Variants in GLIS3 observed in about 807,000 individuals in gnomAD.
GLIS3 encodes the protein zinc finger protein GLIS3.
GLIS3 carries 53 observed loss-of-function variants against 78.6 expected under a neutral mutation model. The ratio of observed to expected loss-of-function variants is 0.67; its 90% confidence interval spans 0.54 to 0.85. The LOEUF (loss-of-function observed/expected upper bound fraction) is 0.85, where lower values mean the gene tolerates loss of function less well. Among genes scored for constraint, GLIS3 ranks in the 40% least tolerant of loss-of-function variants. The probability of loss-of-function intolerance (pLI) is 0.00; values close to 1 mark genes in which losing one functional copy is unlikely to be tolerated. For missense variants in GLIS3, 1,703 were observed against 1,231.1 expected, an observed-to-expected ratio of 1.38 and a Z score of -5.74; for synonymous variants, 684 against 509.9, an observed-to-expected ratio of 1.34 and a Z score of -4.60.
At chr9:4,372,173 A>G in the GLIS3 span, among the ~76,000 whole-genome samples, 5 of 152,206 alleles carry the variant, frequency 3.3e-5, no homozygotes, top group African/African-American at 1.2e-4. Context: ...ATTCCAGATG[A>G]AGAAAGAGAG....
intron 6 of GLIS3, among the ~76,000 whole-genome samples, chr9:3,924,271 A>G (rs912230760): frequency 1.3e-5 from 2 of 152,240 alleles, no homozygotes; most frequent in Non-Finnish European, 2.9e-5. Context: ...TGTCAGGCAC[A>G]GTAGACTGCT....
At chr9:3,991,678 G>T (rs1337111780) in intron 4 of GLIS3, among the ~76,000 whole-genome samples, 1 of 132,082 alleles carries the variant, frequency 7.6e-6, no homozygotes, top group Admixed American at 7.8e-5. Context: ...TCATTAAGTA[G>T]GCTGATTTTT....
At chr9:3,843,433 G>A (rs2130097505) in intron 9 of GLIS3, among the ~76,000 whole-genome samples, 1 of 152,098 alleles carries the variant, frequency 6.6e-6, no homozygotes, top group East Asian at 1.9e-4. Flanking sequence ...GTAAGAGTAT[G>A]GAAACCTATA....
chr9:4,192,457 A>T (rs994323690), intron 2 of GLIS3, among the ~76,000 whole-genome samples: 2 of 152,238 alleles, frequency 1.3e-5, no homozygotes, highest in African/African-American at 4.8e-5. Context: ...CCAAGTTCTG[A>T]ACAACCAATT....
chr9:4,352,923 G>T (rs144067574), upstream of GLIS3, among the ~76,000 whole-genome samples: 1 of 152,178 alleles, frequency 6.6e-6, no homozygotes, highest in African/African-American at 2.4e-5. Flanking sequence ...TATACATTTA[G>T]TAGGTGTAAG....
At chr9:4,336,626 C>T (rs1462524446) in intron 2 of GLIS3, among the ~76,000 whole-genome samples, 1 of 152,202 alleles carries the variant, frequency 6.6e-6, no homozygotes, top group Non-Finnish European at 1.5e-5. Context: ...GACTGCAAAA[C>T]CAGTAAGCGA....
At chr9:3,877,562 A>G (rs190394295) in intron 8 of GLIS3, among the ~76,000 whole-genome samples, 1 of 152,120 alleles carries the variant, frequency 6.6e-6, no homozygotes, top group Non-Finnish European at 1.5e-5. Context: ...TCCACTCAAC[A>G]TTGTTTTTTC....
chr9:4,474,677 T>C, the GLIS3 span, among the ~76,000 whole-genome samples: 1 of 151,142 alleles, frequency 6.6e-6, no homozygotes, highest in Non-Finnish European at 1.5e-5. Flanking sequence ...TTTTTTACTT[T>C]TAATGTGAAG....
intron 2 of GLIS3, among the ~76,000 whole-genome samples, chr9:4,157,493 A>G (rs1337588928): frequency 2.6e-5 from 4 of 152,216 alleles, no homozygotes; most frequent in Non-Finnish European, 5.9e-5. Flanking sequence ...GAGAGGAAGG[A>G]GGAAGATGCA....
intron 2 of GLIS3, among the ~76,000 whole-genome samples, chr9:4,222,157 T>C (rs1036199601): frequency 2.0e-5 from 3 of 152,214 alleles, no homozygotes; most frequent in African/African-American, 4.8e-5. Context: ...AGTGAGATGA[T>C]GAGTGTTCCA....
intron 4 of GLIS3, among the ~76,000 whole-genome samples, chr9:4,102,324 G>A (rs1451045547): frequency 2.0e-5 from 3 of 152,204 alleles, no homozygotes; most frequent in Admixed American, 6.5e-5. Flanking sequence ...GGCTGGGGAA[G>A]CGGCTAAGCG....
chr9:4,262,075 C>G (rs896084169), intron 2 of GLIS3, among the ~76,000 whole-genome samples: 7 of 151,886 alleles, frequency 4.6e-5, no homozygotes, highest in Admixed American at 1.3e-4. Context: ...AGAAAGAGAC[C>G]CGGTCTAGTC....
intron 4 of GLIS3, among the ~76,000 whole-genome samples, chr9:3,980,896 T>A (rs1231645183): frequency 2.0e-5 from 3 of 152,216 alleles, no homozygotes; most frequent in Non-Finnish European, 4.4e-5. Context: ...GCCAAAGTAG[T>A]GACACTTGGC....
chr9:4,288,198 C>T (rs1414999419), intron 1 of GLIS3, among the ~76,000 whole-genome samples: 3 of 152,216 alleles, frequency 2.0e-5, no homozygotes, highest in Admixed American at 2.0e-4. Context: ...TCATGAGCAA[C>T]AGTCACTTAA....
chr9:4,178,496 T>C (rs1816998096), intron 2 of GLIS3, among the ~76,000 whole-genome samples: 1 of 152,210 alleles, frequency 6.6e-6, no homozygotes, highest in South Asian at 2.1e-4. Context: ...ATCCAATGTC[T>C]AGACTGCTGC....
At chr9:4,389,350 T>C in the GLIS3 span, among the ~76,000 whole-genome samples, 1 of 152,222 alleles carries the variant, frequency 6.6e-6, no homozygotes, top group Admixed American at 6.5e-5. Flanking sequence ...AGTACTGGAT[T>C]TCCCTCCTAT....
chr9:4,414,804 C>G, the GLIS3 span, among the ~76,000 whole-genome samples: 1 of 152,152 alleles, frequency 6.6e-6, no homozygotes, highest in African/African-American at 2.4e-5. Context: ...GGTTTCTCAT[C>G]TTCCACCGTA....
rs1241810914 is a variant in GLIS3, at chr9:3,824,936, T to TA, written c.*3335dup. On this transcript the variant is annotated 3_prime_UTR_variant, in exon 11 of 11. Transcript: ENST00000381971. Reference sequence around the variant, plus strand: ...CATCTGTTGCAAAAAAAAAAAAAAATAATAACCGCAGAAATTCCACACCAC... The same window carrying TA: ...CATCTGTTGCAAAAAAAAAAAAAAATAAATAACCGCAGAAATTCCACACCAC... The TA allele has an allele frequency of 1.6e-5, 1 of 62,764 alleles. No homozygotes were observed. The highest frequency in any genetic ancestry group is 3.9e-5 in the Non-Finnish European group (1 of 25,692). The allele number at this position is 62,764 out of a possible 1,614,324, so 3.9% of individuals were successfully genotyped here. A position where few individuals can be genotyped will look rare whatever the true frequency, so the allele number is the denominator to read the frequency against.
At chr9:4,254,648 T>G (rs1824735688) in intron 2 of GLIS3, among the ~76,000 whole-genome samples, 1 of 152,156 alleles carries the variant, frequency 6.6e-6, no homozygotes. Flanking sequence ...AAGACCAGCC[T>G]GGCCAACATG....
Sources: allele counts gnomAD v4.1 joint callset (sites outside exome capture counted in the v4.1 genomes callset), GRCh38; gene constraint gnomAD v4.1.1; transcripts MANE v1.5; gene names NCBI Gene and HGNC (gene_info 2026-07-23, HGNC 2026-07-21).